CHCHD6: variants seen among roughly 807,000 people sequenced by gnomAD.
The protein encoded by CHCHD6 is MICOS complex subunit MIC25.
A neutral mutation model predicts 32.3 loss-of-function variants in CHCHD6; 28 were observed. The ratio of observed to expected loss-of-function variants is 0.87; its 90% confidence interval spans 0.64 to 1.19. CHCHD6 has a LOEUF of 1.19. Ranked by LOEUF, CHCHD6 falls within the 50% of genes most tolerant of loss-of-function variation. The probability of loss-of-function intolerance (pLI) is 0.00; values close to 1 mark genes in which losing one functional copy is unlikely to be tolerated. For missense variants in CHCHD6, 333 were observed against 307.0 expected (o/e 1.08, Z -0.63); for synonymous variants, 122 against 117.5 (o/e 1.04, Z -0.25).
chr3:126,827,194 T>G (rs1211258586), intron 4 of CHCHD6, among the ~76,000 whole-genome samples: 1 of 152,218 alleles, frequency 6.6e-6, no homozygotes, highest in Non-Finnish European at 1.5e-5. Context: ...GGCTTGGACC[T>G]TATTCTCTGG....
chr3:126,748,537 G>A (rs1936596638), intron 4 of CHCHD6, among the ~76,000 whole-genome samples: 1 of 151,262 alleles, frequency 6.6e-6, no homozygotes, highest in Non-Finnish European at 1.5e-5. Context: ...GGAGGTGGCG[G>A]TGAGCCGAGA....
At chr3:126,800,309 A>G (rs1174411657) in intron 4 of CHCHD6, among the ~76,000 whole-genome samples, 1 of 152,204 alleles carries the variant, frequency 6.6e-6, no homozygotes, top group African/African-American at 2.4e-5. Context: ...AAAGGAGAGT[A>G]AAGACATGGG....
chr3:126,732,201 A>G (rs770305347), intron 3 of CHCHD6, among the ~76,000 whole-genome samples: 5 of 152,270 alleles, frequency 3.3e-5, no homozygotes, highest in South Asian at 2.1e-4. Flanking sequence ...TTTAGAAAAT[A>G]TACAAAGTGA....
rs7633939 is a variant in CHCHD6 at position 126,889,755 on chromosome 3, A to C, written c.496-24925A>C. 1.1e-3 allele frequency among the ~76,000 whole-genome samples: 161 copies of C among 152,148 alleles called. 1 individual carries two copies. The highest frequency in any genetic ancestry group is 3.3e-3 in the African/African-American group (137 of 41,488). ...TCCTTCCCAGAGTCTCGAGAGCTGGAGACTCCGTGAGTGTCAGGAATATCA... is the reference window on the plus strand; with the variant it reads ...TCCTTCCCAGAGTCTCGAGAGCTGGCGACTCCGTGAGTGTCAGGAATATCA... On this transcript the variant is annotated intron_variant, in intron 5 of 7. Transcript: ENST00000290913.
At chr3:126,899,701 C>T (rs1314845424) in intron 5 of CHCHD6, among the ~76,000 whole-genome samples, 1 of 152,148 alleles carries the variant, frequency 6.6e-6, no homozygotes, top group African/African-American at 2.4e-5. Flanking sequence ...TTCACCTTTC[C>T]TGGTCTTGAG....
At chr3:126,734,102 G>A (rs1202169680) in intron 4 of CHCHD6, among the ~76,000 whole-genome samples, 1 of 152,188 alleles carries the variant, frequency 6.6e-6, no homozygotes. Context: ...AACTTTCCTA[G>A]AAGCTCCTGG....
rs537638692 is a variant in CHCHD6 at position 126,918,631 on chromosome 3, C to A, written c.566+3881C>A. ...ACAGCTGGATTAGTATGTGCAAAGG[C>A]CCTGAGACAAGAAGCAATTTAACTT... On this transcript the variant is annotated intron_variant, in intron 6 of 7. Transcript: ENST00000290913. Among the ~76,000 whole-genome samples, 18 of 152,224 alleles carry A rather than the reference C, an allele frequency of 1.2e-4. 1 individual carries two copies. In the South Asian group the frequency reaches 3.7e-3, roughly 32 times the overall value.
At chr3:126,876,876 T>TA (rs1277721409) in intron 5 of CHCHD6, among the ~76,000 whole-genome samples, 2 of 151,992 alleles carry the variant, frequency 1.3e-5, no homozygotes, top group Non-Finnish European at 1.5e-5. Context: ...CATAATATGA[T>TA]AAGAGAGAAA....
At chr3:126,819,125 C>T (rs571357592) in intron 4 of CHCHD6, among the ~76,000 whole-genome samples, 5 of 152,216 alleles carry the variant, frequency 3.3e-5, no homozygotes, top group Non-Finnish European at 7.3e-5. Context: ...TAAACTCCTG[C>T]CACACTGCTT....
intron 4 of CHCHD6, among the ~76,000 whole-genome samples, chr3:126,787,718 A>G (rs1938293717): frequency 6.6e-6 from 1 of 152,134 alleles, no homozygotes; most frequent in African/African-American, 2.4e-5. Flanking sequence ...GCTTAAGGAG[A>G]TTTTGGGCTG....
At chr3:126,819,504 C>T (rs1261532691) in intron 4 of CHCHD6, among the ~76,000 whole-genome samples, 2 of 152,216 alleles carry the variant, frequency 1.3e-5, no homozygotes, top group Non-Finnish European at 2.9e-5. Context: ...GTATGACAGT[C>T]CTGAGTGTCC....
At chr3:126,893,042 C>T (rs1242797709) in intron 5 of CHCHD6, among the ~76,000 whole-genome samples, 3 of 152,074 alleles carry the variant, frequency 2.0e-5, no homozygotes, top group African/African-American at 7.2e-5. Context: ...AATCTTGGCT[C>T]ACTGCAACGT....
intron 5 of CHCHD6, among the ~76,000 whole-genome samples, chr3:126,913,128 G>T (rs1056983855): frequency 1.3e-5 from 2 of 148,550 alleles, no homozygotes; most frequent in Non-Finnish European, 3.0e-5. Flanking sequence ...ACTGATCTGT[G>T]CCTGCAGTAG....
chr3:126,927,253 T>C (rs958347675), intron 6 of CHCHD6, among the ~76,000 whole-genome samples: 1 of 152,162 alleles, frequency 6.6e-6, no homozygotes, highest in South Asian at 2.1e-4. Flanking sequence ...GCATGGGGCA[T>C]GCGCTGAACA....
At chr3:126,807,153 C>G (rs750530907) in intron 4 of CHCHD6, among the ~76,000 whole-genome samples, 104 of 150,538 alleles carry the variant, frequency 6.9e-4, no homozygotes, top group Non-Finnish European at 1.1e-3. Context: ...ACATATGTAA[C>G]TAACCTTCAC....
chr3:126,877,548 C>A (rs1400175139), intron 5 of CHCHD6, among the ~76,000 whole-genome samples: 4 of 142,084 alleles, frequency 2.8e-5, no homozygotes, highest in African/African-American at 9.9e-5. Context: ...GAGTGAGACT[C>A]CATCTCAAAA....
Position 126,721,955 on chromosome 3 carries a change from A to G in CHCHD6, c.88-5123A>G, listed in dbSNP as rs548613571. Among the ~76,000 whole-genome samples the G allele has an allele frequency of 2.6e-5, 4 of 152,226 alleles. No individual in the cohort carries two copies. The East Asian group carries it at 7.7e-4, about 29-fold the overall frequency. ...CCCTTTTATGGCTGAATAATACTCC[A>G]TTGTATAGATATACTTCATTTTACT... On this transcript the variant is annotated intron_variant, in intron 1 of 7. Coordinates refer to ENST00000290913, the MANE Select transcript of CHCHD6 (RefSeq NM_032343.3).
rs1001314849 is a variant in CHCHD6, at chr3:126,866,997, G to A, written c.495+14267G>A. Among the ~76,000 whole-genome samples the A allele has an allele frequency of 3.3e-5, 5 of 152,244 alleles. No individual in the cohort carries two copies. In the South Asian group the frequency reaches 8.3e-4, roughly 25 times the overall value. On this transcript the variant is annotated intron_variant, in intron 5 of 7. Coordinates refer to ENST00000290913, the MANE Select transcript of CHCHD6 (RefSeq NM_032343.3). ...TAAGTCAGGATCCACCAGGGCCACC[G>A]TGCTGCAGTGAGTTCTTAGGCATTA... is the stretch of plus-strand genomic sequence containing the variant.
At position 126,957,471 on chromosome 3, in the gene CHCHD6, T is replaced by C. The variant is rs145020754; in HGVS notation, c.622T>C (p.Tyr208His). Residue 208 changes from tyrosine to histidine, a missense_variant, in exon 7 of 8, where the codon TAC becomes CAC. Coordinates refer to ENST00000290913, the MANE Select transcript of CHCHD6 (RefSeq NM_032343.3). ...GTTGCAGGCCCAGATTCTCCACTGC[T>C]ACCGAGATCGCCCGCATGAGGTGCT... ...SGLQAQILHC[Y>H]RDRPHEVLLC... 3,184 of 1,610,396 alleles carry C rather than the reference T, an allele frequency of 2.0e-3. 3 individuals carry two copies. The highest frequency in any genetic ancestry group is 2.6e-3 in the Non-Finnish European group (3,024 of 1,178,588).
Sources: allele counts gnomAD v4.1 joint callset (sites outside exome capture counted in the v4.1 genomes callset), GRCh38; gene constraint gnomAD v4.1.1; transcripts MANE v1.5; gene names NCBI Gene and HGNC (gene_info 2026-07-23, HGNC 2026-07-21).